EVC2: variants seen among roughly 807,000 people sequenced by gnomAD.
EVC2 encodes EvC ciliary complex subunit 2, also known as limbin.
In EVC2, 148 loss-of-function variants were observed where a neutral mutation model predicts 149.3. That is an observed-to-expected ratio of 0.99 (90% CI 0.87 to 1.14). The LOEUF (loss-of-function observed/expected upper bound fraction) is 1.14, where lower values mean the gene tolerates loss of function less well. Ranked by LOEUF, EVC2 falls within the 50% of genes most tolerant of loss-of-function variation. The pLI is 0.00. For synonymous variants in EVC2, 776 were observed against 649.9 expected, an observed-to-expected ratio of 1.19 and a Z score of -2.95; for missense variants, 1,854 against 1,627.3, an observed-to-expected ratio of 1.14 and a Z score of -2.40.
At chr4:5,594,464 G>A (rs570477300) in intron 16 of EVC2, among the ~76,000 whole-genome samples, 45 of 152,324 alleles carry the variant, frequency 3.0e-4, no homozygotes, top group African/African-American at 8.2e-4. Context: ...GGTAAACAGC[G>A]TCTGGAGTGG....
Position 5,679,110 on chromosome 4 carries a change from C to T in EVC2, c.870+2150G>A, listed in dbSNP as rs1308289918. Among the ~76,000 whole-genome samples, 2 of 151,950 alleles carry T rather than the reference C, an allele frequency of 1.3e-5. No individual in the cohort carries two copies. Among genetic ancestry groups the T allele is most frequent in the African/African-American group, 2.4e-5 (1 of 41,366 alleles). ...CTCGTATAGGAAATGTATCATAACTCGAGCTTGCAGGTCTGGAAGTTGCTC... is the reference window on the plus strand; with the variant it reads ...CTCGTATAGGAAATGTATCATAACTTGAGCTTGCAGGTCTGGAAGTTGCTC... On this transcript the variant is annotated intron_variant, in intron 7 of 21. Transcript: ENST00000344408. This position sits in a 1 kb window ranked among gnomAD's most constrained non-coding sequence, Gnocchi z 5.1.
intron 21 of EVC2, among the ~76,000 whole-genome samples, chr4:5,564,096 G>C (rs529369885): frequency 1.3e-5 from 2 of 151,998 alleles, no homozygotes; most frequent in Admixed American, 1.3e-4. Flanking sequence ...GCATGTCAAC[G>C]GCAGGCTTGC....
chr4:5,625,685 C>T lies in EVC2; in HGVS notation c.2046+64G>A, dbSNP rs1577174932. 2 of 1,602,082 alleles carry T rather than the reference C, an allele frequency of 1.2e-6. No homozygotes were observed. Among genetic ancestry groups the T allele is most frequent in the East Asian group, 4.5e-5 (2 of 44,824 alleles). The stretch of plus-strand genomic sequence containing the variant: ...CCAATGGCAATGTCTGGCACAGTAC[C>T]TGGCACTTGATGGGTATCAGAAAGT... On this transcript the variant is annotated intron_variant, in intron 13 of 21. Transcript: ENST00000344408. This position sits in a 1 kb window ranked among gnomAD's most constrained non-coding sequence, Gnocchi z 4.0.
chr4:5,647,265 G>T (rs1321158626), intron 9 of EVC2, among the ~76,000 whole-genome samples: 1 of 152,174 alleles, frequency 6.6e-6, no homozygotes, highest in Non-Finnish European at 1.5e-5. Flanking sequence ...AGAGTCCTGT[G>T]AGTCCAAATG....
chr4:5,567,754 G>A lies in EVC2; in HGVS notation c.3557+690C>T, dbSNP rs115551013. On this transcript the variant is annotated intron_variant, in intron 20 of 21. Coordinates refer to ENST00000344408, the MANE Select transcript of EVC2 (RefSeq NM_147127.5). The surrounding 1 kb of genome is among the most constrained non-coding windows in gnomAD (Gnocchi z 4.4). ...GCCCAAACTGAATGTCAAGTGACGGGATGACAGTTACATGCTCTATGCTAC... is the reference window on the plus strand; with the variant it reads ...GCCCAAACTGAATGTCAAGTGACGGAATGACAGTTACATGCTCTATGCTAC... 7.6e-3 allele frequency among the ~76,000 whole-genome samples: 1,154 copies of A among 152,230 alleles called. 13 individuals carry two copies. Among genetic ancestry groups the A allele is most frequent in the African/African-American group, 0.026 (1,067 of 41,538 alleles).
At chr4:5,612,310 C>G (rs536493958) in intron 16 of EVC2, among the ~76,000 whole-genome samples, 1 of 152,280 alleles carries the variant, frequency 6.6e-6, no homozygotes, top group African/African-American at 2.4e-5. Flanking sequence ...CTTGGATAAA[C>G]TCTTGAAAAC....
chr4:5,681,713 C>G (rs545970855), intron 6 of EVC2, among the ~76,000 whole-genome samples: 1 of 133,706 alleles, frequency 7.5e-6, no homozygotes, highest in Admixed American at 7.9e-5. Context: ...TTCTCTCACT[C>G]AAACGCACTT....
intron 1 of EVC2, among the ~76,000 whole-genome samples, chr4:5,703,849 G>C (rs1208274567): frequency 6.6e-6 from 1 of 152,208 alleles, no homozygotes; most frequent in Non-Finnish European, 1.5e-5. Flanking sequence ...AATAGGAACA[G>C]AGAGTAATGG....
At chr4:5,610,535 C>T (rs1714730984) in intron 16 of EVC2, among the ~76,000 whole-genome samples, 1 of 152,146 alleles carries the variant, frequency 6.6e-6, no homozygotes, top group African/African-American at 2.4e-5. Flanking sequence ...AAGGGTCTAG[C>T]TTGTGCATGT....
rs762222558 is a variant in EVC2, at chr4:5,568,607, C to A, written c.3394G>T (p.Ala1132Ser). ...LRLASYLARM[A>S]MVPGATLRRL... is the part of the protein sequence containing the mutation. ...CGAAGCGTGGCCCCGGGCACCATGG[C>A]CATCCTCGCCAGGTACGATGCCAGT... The change falls in exon 20 of 22, where the codon GCC becomes TCC. Residue 1132 changes from alanine (A) to serine (S), a missense_variant. By Grantham distance (99) the Ala-to-Ser change is moderately conservative. Coordinates refer to ENST00000344408, the MANE Select transcript of EVC2 (RefSeq NM_147127.5). The A allele has an allele frequency of 6.2e-7, 1 of 1,609,038 alleles. No individual in the cohort carries two copies. Among genetic ancestry groups the A allele is most frequent in the Non-Finnish European group, 8.5e-7 (1 of 1,179,792 alleles).
intron 21 of EVC2, among the ~76,000 whole-genome samples, chr4:5,556,742 A>G (rs959311225): frequency 9.2e-5 from 14 of 152,312 alleles, no homozygotes; most frequent in Non-Finnish European, 1.5e-4. Flanking sequence ...CAGAAATGAA[A>G]GAGCAGTCTC....
rs185132880 is a variant in EVC2, at chr4:5,585,521, C to T, written c.2830-671G>A. On this transcript the variant is annotated intron_variant, in intron 16 of 21. Transcript: ENST00000344408. Reference sequence around the variant, plus strand: ...CAAATCATTAAGCTCTGCATGCCTACGCTTCTTCATCTATAAAGTGGAGAA... The same window carrying T: ...CAAATCATTAAGCTCTGCATGCCTATGCTTCTTCATCTATAAAGTGGAGAA... Among the ~76,000 whole-genome samples the T allele has an allele frequency of 3.3e-3, 496 of 152,310 alleles. 2 individuals carry two copies. Among genetic ancestry groups the T allele is most frequent in the African/African-American group, 0.011 (463 of 41,564 alleles).
At chr4:5,671,724 C>T (rs1427591545) in intron 7 of EVC2, among the ~76,000 whole-genome samples, 2 of 152,260 alleles carry the variant, frequency 1.3e-5, no homozygotes, top group South Asian at 2.1e-4. Context: ...GTTGGCCAGG[C>T]TTGTCTTAAA....
intron 5 of EVC2, 58 bp downstream of exon 5, chr4:5,689,099 G>C (rs146066980): frequency 6.4e-5 from 102 of 1,585,700 alleles, no homozygotes; most frequent in Non-Finnish European, 8.7e-5. Context: ...CATTCACCTG[G>C]AAGTATCTGT....
chr4:5,536,783 C>CA, the EVC2 span, among the ~76,000 whole-genome samples: 34,065 of 137,448 alleles, frequency 0.25, 4,676 homozygotes, highest in East Asian at 0.7. Context: ...GACTCTGTCT[C>CA]AAAAAAAAAA....
intron 20 of EVC2, among the ~76,000 whole-genome samples, chr4:5,566,543 C>T (rs550311302): frequency 1.3e-5 from 2 of 152,298 alleles, no homozygotes; most frequent in South Asian, 4.1e-4. Context: ...TGCTTGAAAC[C>T]CAAGACTCAT....
chr4:5,567,131 C>A lies in EVC2; in HGVS notation c.3557+1313G>T, dbSNP rs562659603. On this transcript the variant is annotated intron_variant, in intron 20 of 21. Coordinates refer to ENST00000344408, the MANE Select transcript of EVC2 (RefSeq NM_147127.5). The surrounding 1 kb of genome is among the most constrained non-coding windows in gnomAD (Gnocchi z 4.4). ...CAGCCCACACCCAGCCCTCTGACCA[C>A]GCCAACAACCAGACCTCTGACCCCC... is the stretch of plus-strand genomic sequence containing the variant. Among the ~76,000 whole-genome samples, 1 of 152,084 alleles carries A rather than the reference C, an allele frequency of 6.6e-6. No homozygotes were observed. The highest frequency in any genetic ancestry group is 1.5e-5 in the Non-Finnish European group (1 of 68,014).
At chr4:5,592,293 C>A (rs1443717122) in intron 16 of EVC2, among the ~76,000 whole-genome samples, 1 of 152,224 alleles carries the variant, frequency 6.6e-6, no homozygotes, top group Non-Finnish European at 1.5e-5. Flanking sequence ...GGGGGCTGAG[C>A]TGAACCTGTC....
intron 17 of EVC2, among the ~76,000 whole-genome samples, chr4:5,577,908 G>A (rs112771699): frequency 5.1e-4 from 78 of 152,206 alleles, no homozygotes; most frequent in African/African-American, 1.8e-3. Flanking sequence ...GAGACCCCAC[G>A]TCTACCCAGA....
Sources: gnomAD v4.1 joint callset for allele counts (sites outside exome capture counted in the v4.1 genomes callset) on GRCh38, gnomAD v4.1.1 for gene constraint, Gnocchi (gnomAD v3.1) non-coding constraint, MANE v1.5 for transcripts, NCBI Gene and HGNC (gene_info 2026-07-23, HGNC 2026-07-21) for gene names.